Variants in AUTS2 observed in about 807,000 individuals in gnomAD.
AUTS2 encodes activator of transcription and developmental regulator AUTS2.
AUTS2 carries 17 observed loss-of-function variants against 112.4 expected under a neutral mutation model. The ratio of observed to expected loss-of-function variants is 0.15; its 90% CI spans 0.10 to 0.23. AUTS2 has a LOEUF of 0.23. AUTS2 is among the 10% of genes least tolerant of loss of function. AUTS2 has a pLI of 1.00. For synonymous variants in AUTS2, 751 were observed against 702.7 expected (o/e 1.07, Z -1.09); for missense variants, 1,510 against 1,701.6 (o/e 0.89, Z 1.98).
intron 1 of AUTS2, among the ~76,000 whole-genome samples, chr7:69,849,149 C>G (rs371396980): frequency 9.2e-5 from 14 of 152,224 alleles, no homozygotes; most frequent in African/African-American, 3.4e-4. Context: ...ATGACTGCAC[C>G]CCAGCCTGGG....
intron 1 of AUTS2, among the ~76,000 whole-genome samples, chr7:69,660,329 GCTTTT>G (rs766516511): frequency 1.3e-5 from 2 of 152,064 alleles, no homozygotes; most frequent in Non-Finnish European, 2.9e-5. Flanking sequence ...TTTTGCAGGC[GCTTTT>G]CTTTTCAATT....
intron 4 of AUTS2, among the ~76,000 whole-genome samples, chr7:70,230,494 C>T (rs1470445980): frequency 6.6e-6 from 1 of 152,200 alleles, no homozygotes; most frequent in Admixed American, 6.5e-5. Context: ...AAATCACTGC[C>T]TTCTGCTTTT....
intron 1 of AUTS2, among the ~76,000 whole-genome samples, chr7:69,641,849 C>T (rs575430818): frequency 6.6e-6 from 1 of 152,292 alleles, no homozygotes; most frequent in Non-Finnish European, 1.5e-5. Flanking sequence ...GCATTCTGTT[C>T]TCCACTAGTG....
intron 5 of AUTS2, among the ~76,000 whole-genome samples, chr7:70,636,948 G>C (rs1469324292): frequency 6.6e-6 from 1 of 152,116 alleles, no homozygotes; most frequent in Non-Finnish European, 1.5e-5. Context: ...TGTCCAGAAA[G>C]TGCTTTTTAA....
intron 1 of AUTS2, among the ~76,000 whole-genome samples, chr7:69,759,762 TCATCC>T (rs1354164702): frequency 1.2e-3 from 1 of 842 alleles, no homozygotes; most frequent in African/African-American, 5.5e-3. Flanking sequence ...TATTCCCCTC[TCATCC>T]CCGCCCCCCC....
intron 4 of AUTS2, among the ~76,000 whole-genome samples, chr7:70,187,901 A>G (rs1809692833): frequency 6.6e-6 from 1 of 151,816 alleles, no homozygotes; most frequent in South Asian, 2.1e-4. Context: ...TATGAAGATC[A>G]GCCCTGTTGG....
At chr7:70,696,419 C>G (rs1057214376) in intron 5 of AUTS2, among the ~76,000 whole-genome samples, 3 of 152,180 alleles carry the variant, frequency 2.0e-5, no homozygotes, top group Non-Finnish European at 2.9e-5. Context: ...GCATGGTGTC[C>G]AGCCCTGTGA....
intron 4 of AUTS2, among the ~76,000 whole-genome samples, chr7:70,310,347 A>G (rs1789683808): frequency 6.6e-6 from 1 of 152,108 alleles, no homozygotes. Flanking sequence ...GCGGTGGCTC[A>G]CGCCTGTAAT....
intron 4 of AUTS2, among the ~76,000 whole-genome samples, chr7:70,227,724 T>C (rs1001633800): frequency 6.6e-6 from 1 of 152,152 alleles, no homozygotes; most frequent in African/African-American, 2.4e-5. Context: ...TCTATTGACA[T>C]ATTTCAAAAT....
At chr7:69,893,479 C>A (rs1046164993) in intron 1 of AUTS2, among the ~76,000 whole-genome samples, 5 of 152,156 alleles carry the variant, frequency 3.3e-5, no homozygotes, top group African/African-American at 1.2e-4. Context: ...CAGGACACAG[C>A]CATTATGTCA....
chr7:70,493,323 C>A (rs1798323043), intron 5 of AUTS2, among the ~76,000 whole-genome samples: 1 of 152,162 alleles, frequency 6.6e-6, no homozygotes, highest in South Asian at 2.1e-4. Context: ...CATGCAGTAG[C>A]ATGTGAGTAC....
At chr7:69,680,759 C>T (rs1796755257) in intron 1 of AUTS2, among the ~76,000 whole-genome samples, 4 of 152,174 alleles carry the variant, frequency 2.6e-5, no homozygotes, top group Middle Eastern at 6.8e-3. Flanking sequence ...AGCATCCATC[C>T]CCCAGGTTCA....
At chr7:70,400,256 G>C (rs1794269827) in intron 4 of AUTS2, among the ~76,000 whole-genome samples, 1 of 152,204 alleles carries the variant, frequency 6.6e-6, no homozygotes, top group Non-Finnish European at 1.5e-5. Context: ...TAGTACCTCA[G>C]AGGGTCATCT....
rs111887957 is a variant in AUTS2, at chr7:70,217,410, G to T, written c.660+82839G>T. On this transcript the variant is annotated intron_variant, in intron 4 of 18. Transcript: ENST00000342771. ...CAATTAGAAGCAGCTGAAGAGAGGAGAGAAAAAATTAACTGAGAAGTTTAA... is the reference window on the plus strand; with the variant it reads ...CAATTAGAAGCAGCTGAAGAGAGGATAGAAAAAATTAACTGAGAAGTTTAA... Among the ~76,000 whole-genome samples, 243 of 152,300 alleles carry T rather than the reference G, an allele frequency of 1.6e-3. 6 individuals are homozygous for T. The highest frequency in any genetic ancestry group is 5.5e-3 in the African/African-American group (229 of 41,564).
intron 4 of AUTS2, among the ~76,000 whole-genome samples, chr7:70,142,214 C>G (rs1448114285): frequency 3.9e-5 from 6 of 152,172 alleles, no homozygotes; most frequent in South Asian, 2.1e-4. Context: ...GCCGTTATCT[C>G]TCTGTCCTCC....
chr7:70,024,799 A>G lies in AUTS2; in HGVS notation c.523-93333A>G, dbSNP rs143243847. Among the ~76,000 whole-genome samples, 65 of 152,244 alleles carry G rather than the reference A, an allele frequency of 4.3e-4. No homozygotes were observed. The East Asian group carries it at 7.5e-3, about 18-fold the overall frequency. On this transcript the variant is annotated intron_variant, in intron 2 of 18. Coordinates refer to ENST00000342771, the MANE Select transcript of AUTS2 (RefSeq NM_015570.4). ...CAAAATCTCTTCTTTGTGATACCTT[A>G]TTTTTGCTCTGAAGGCCTTCAGTTG...
chr7:69,719,938 GA>G (rs911267306), intron 1 of AUTS2, among the ~76,000 whole-genome samples: 4 of 150,414 alleles, frequency 2.7e-5, no homozygotes, highest in East Asian at 1.9e-4. Flanking sequence ...ATTGTTGAAG[GA>G]AAAAAAAATC....
chr7:69,825,144 A>ATATGAATGAGGCCACATGTCC (rs1791184176), intron 1 of AUTS2, among the ~76,000 whole-genome samples: 1 of 152,212 alleles, frequency 6.6e-6, no homozygotes, highest in Non-Finnish European at 1.5e-5. Context: ...TTTGCAATCC[A>ATATGAATGAGGCCACATGTCC]TATGAATGAG....
chr7:70,396,056 T>C (rs1025372116), intron 4 of AUTS2, among the ~76,000 whole-genome samples: 1 of 152,256 alleles, frequency 6.6e-6, no homozygotes, highest in African/African-American at 2.4e-5. Context: ...TATTGTGGTG[T>C]AATTGACATA....
Sources: gnomAD v4.1 joint callset for allele counts (sites outside exome capture counted in the v4.1 genomes callset) on GRCh38, gnomAD v4.1.1 for gene constraint, MANE v1.5 for transcripts, NCBI Gene and HGNC (gene_info 2026-07-23, HGNC 2026-07-21) for gene names.